Variants in NEK4 observed in about 807,000 individuals in gnomAD.
NEK4 encodes the protein NIMA related kinase 4.
A neutral mutation model predicts 98.4 loss-of-function variants in NEK4; 86 were observed. The observed-to-expected ratio is 0.87, with a 90% CI of 0.73 to 1.05. NEK4 has a LOEUF of 1.05. Among genes scored for constraint, NEK4 ranks in the 50% least tolerant of loss-of-function variants. NEK4 has a pLI of 0.00. For synonymous variants in NEK4, 328 were observed against 342.2 expected, an observed-to-expected ratio of 0.96 and a Z score of 0.46; for missense variants, 898 against 950.3, an observed-to-expected ratio of 0.94 and a Z score of 0.72.
intron 7 of NEK4, among the ~76,000 whole-genome samples, chr3:52,751,719 C>A (rs1440840953): frequency 1.3e-5 from 2 of 152,088 alleles, no homozygotes; most frequent in Non-Finnish European, 2.9e-5. Context: ...TCCATAGAGA[C>A]AAATGTTGCC....
At chr3:52,754,642 A>G (rs1310693061) in intron 6 of NEK4, 3 of 701,296 alleles carry the variant, frequency 4.3e-6, no homozygotes, top group Non-Finnish European at 7.9e-6. Context: ...TCATAGGTAA[A>G]GCCTGGCTCA....
At chr3:52,731,626 C>A (rs1009908036) in intron 15 of NEK4, among the ~76,000 whole-genome samples, 1 of 152,190 alleles carries the variant, frequency 6.6e-6, no homozygotes, top group Non-Finnish European at 1.5e-5. Context: ...TTCATCATGC[C>A]ATACGCAAGA....
rs1326911758 is a variant in NEK4, at chr3:52,709,081, G to C, written c.*2696C>G. The C allele has an allele frequency of 6.6e-6, 1 of 152,020 alleles. No individual in the cohort carries two copies. 9.4% of individuals were successfully genotyped at this position (152,020 alleles called of 1,614,324 possible). On this transcript the variant is annotated 3_prime_UTR_variant, in exon 16 of 16. Coordinates refer to ENST00000233027, the MANE Select transcript of NEK4 (RefSeq NM_003157.6). Reference sequence around the variant, plus strand: ...GTGTGCCTGTAATCCCAGCTACTCGGGAGGCTGAGGGAGGGGAACTTGAAC... The same window carrying C: ...GTGTGCCTGTAATCCCAGCTACTCGCGAGGCTGAGGGAGGGGAACTTGAAC...
chr3:52,724,935 A>C (rs1333970202), intron 15 of NEK4, among the ~76,000 whole-genome samples: 2 of 152,260 alleles, frequency 1.3e-5, no homozygotes, highest in Non-Finnish European at 2.9e-5. Context: ...AAATATGTAC[A>C]ATTATGATTT....
At chr3:52,755,151 CAGAA>C (rs2097412929) in intron 6 of NEK4, among the ~76,000 whole-genome samples, 1 of 138,816 alleles carries the variant, frequency 7.2e-6, no homozygotes, top group African/African-American at 2.6e-5. Context: ...AAGCCAGAAA[CAGAA>C]AGACAAATAT....
intron 1 of NEK4, among the ~76,000 whole-genome samples, chr3:52,769,888 T>C (rs1362296913): frequency 1.3e-5 from 2 of 152,124 alleles, no homozygotes; most frequent in Non-Finnish European, 2.9e-5. Context: ...AGATTTAAAT[T>C]TGAGAAAGAT....
chr3:52,732,261 T>G (rs1314847114), intron 15 of NEK4, among the ~76,000 whole-genome samples: 1 of 152,172 alleles, frequency 6.6e-6, no homozygotes, highest in Non-Finnish European at 1.5e-5. Flanking sequence ...TGGCGCGATC[T>G]TGGCTCACTG....
intron 6 of NEK4, among the ~76,000 whole-genome samples, chr3:52,757,555 CAAA>C (rs541943769): frequency 9.7e-5 from 7 of 72,196 alleles, no homozygotes; most frequent in Non-Finnish European, 1.6e-4. Flanking sequence ...GACTCCGTCT[CAAA>C]AAAAAAAAAA....
chr3:52,769,387 A>G (rs1698698967), intron 1 of NEK4, among the ~76,000 whole-genome samples: 1 of 152,218 alleles, frequency 6.6e-6, no homozygotes. Flanking sequence ...ACTGATCTTC[A>G]GCATACAAAA....
intron 2 of NEK4, 59 bp from the exon 3 acceptor site, chr3:52,766,434 T>G (rs1698562630): frequency 1.6e-6 from 2 of 1,260,474 alleles, no homozygotes; most frequent in Non-Finnish European, 2.3e-6. Context: ...TATTTATTCC[T>G]GGCTTATTAT....
At chr3:52,750,438 C>T (rs1004437797) in intron 7 of NEK4, among the ~76,000 whole-genome samples, 1 of 152,020 alleles carries the variant, frequency 6.6e-6, no homozygotes, top group Non-Finnish European at 1.5e-5. Context: ...ATCCCAGGTA[C>T]TTGGGAGACG....
intron 6 of NEK4, among the ~76,000 whole-genome samples, chr3:52,759,830 A>T (rs1698292395): frequency 6.6e-6 from 1 of 152,234 alleles, no homozygotes; most frequent in Non-Finnish European, 1.5e-5. Context: ...AAAAAAACCC[A>T]GATGTCTACT....
At chr3:52,722,824 G>C (rs888983534) in intron 15 of NEK4, among the ~76,000 whole-genome samples, 21 of 152,064 alleles carry the variant, frequency 1.4e-4, no homozygotes, top group Non-Finnish European at 2.8e-4. Flanking sequence ...AGGATGACCT[G>C]AGCCCAGGCT....
intron 15 of NEK4, among the ~76,000 whole-genome samples, chr3:52,736,875 A>C (rs1160403902): frequency 6.6e-6 from 1 of 152,206 alleles, no homozygotes; most frequent in Non-Finnish European, 1.5e-5. Flanking sequence ...AACTGCTGGC[A>C]CTATAATTTC....
intron 15 of NEK4, chr3:52,734,842 A>G: frequency 3.2e-6 from 1 of 315,050 alleles, no homozygotes; most frequent in South Asian, 3.1e-5. Context: ...AGGATGATAA[A>G]CCAGAGATGG....
In NEK4 at chr3:52,770,659, T is replaced by A; in HGVS notation, c.88A>T (p.Lys30Ter). ...CGGGCCCCACCCCTGCAGACCTGCT[T>A]GCCGTCCCGCCGGTGCTTCACAAGC... The part of the protein sequence containing the change: ...VTLVKHRRDG[K>*]QYVIKKLNLR... The change falls in exon 1 of 16, where the codon AAG (lysine) becomes TAG (stop). Residue 30 changes from lysine (K) to a stop codon, truncating the protein, a stop_gained. Transcript: ENST00000233027. LOFTEE classifies it high-confidence loss of function. 3.2e-6 allele frequency: 5 copies of A among 1,555,488 alleles called. No homozygotes were observed. The highest frequency in any genetic ancestry group is 4.3e-6 in the Non-Finnish European group (5 of 1,150,518).
intron 15 of NEK4, among the ~76,000 whole-genome samples, chr3:52,731,725 T>G (rs767252019): frequency 1.3e-5 from 2 of 152,244 alleles, no homozygotes; most frequent in Non-Finnish European, 2.9e-5. Flanking sequence ...CTTGCCATGT[T>G]GCCCAGGCCC....
Position 52,760,817 on chromosome 3 carries a change from T to C in NEK4, c.941A>G (p.Glu314Gly), listed in dbSNP as rs35580792. Residue 314 changes from glutamate to glycine, a missense_variant, in exon 6 of 16, where the codon GAG becomes GGG. Coordinates refer to ENST00000233027, the MANE Select transcript of NEK4 (RefSeq NM_003157.6). ...TACCATTATATATGTCTGGGAGCCC[T>C]CAGAAGAGAGTGGTTGGGGGTGGAT... ...EVIHPQPLSS[E>G]GSQTYIMGEG... The C allele has an allele frequency of 6.8e-5, 109 of 1,609,900 alleles. No homozygotes were observed. In the East Asian group the frequency reaches 2.3e-3, roughly 35 times the overall value.
At chr3:52,740,174 AAAG>A (rs1423621160) in intron 13 of NEK4, among the ~76,000 whole-genome samples, 1 of 152,236 alleles carries the variant, frequency 6.6e-6, no homozygotes, top group East Asian at 1.9e-4. Flanking sequence ...CCAGATGGGC[AAAG>A]AAGCAGGAAA....
Sources: gnomAD v4.1 joint callset for allele counts (sites outside exome capture counted in the v4.1 genomes callset) on GRCh38, gnomAD v4.1.1 for gene constraint, MANE v1.5 for transcripts, NCBI Gene and HGNC (gene_info 2026-07-23, HGNC 2026-07-21) for gene names.